The following LRP1B variants were observed in gnomAD, a reference collection of about 807,000 sequenced individuals.
The protein encoded by LRP1B is LDL receptor related protein 1B, also known as low-density lipoprotein receptor-related protein 1B.
In LRP1B, 217 loss-of-function variants were observed where a neutral mutation model predicts 556.6. The observed-to-expected ratio is 0.39, with a 90% CI of 0.35 to 0.44. The LOEUF (loss-of-function observed/expected upper bound fraction) is 0.44, where lower values mean the gene tolerates loss of function less well. Ranked by LOEUF, LRP1B falls within the 20% of genes least tolerant of loss-of-function variation. The probability of loss-of-function intolerance (pLI) is 1.00; values close to 1 mark genes in which losing one functional copy is unlikely to be tolerated. For missense variants in LRP1B, 5,053 were observed against 5,620.8 expected (o/e 0.90, Z 3.23); for synonymous variants, 2,047 against 1,865.8 (o/e 1.10, Z -2.50).
chr2:141,595,671 T>A (rs2105300870), intron 2 of LRP1B, among the ~76,000 whole-genome samples: 1 of 152,204 alleles, frequency 6.6e-6, no homozygotes. Context: ...TTCATCAATT[T>A]CTCCAAGCAT....
rs1452894617 is a variant in LRP1B, at chr2:140,350,905, T to G, written c.11784A>C (p.Val3928=). Residue 3928 remains valine, a synonymous_variant, in exon 77 of 91, where the codon GTA becomes GTC. Coordinates refer to ENST00000389484, the MANE Select transcript of LRP1B (RefSeq NM_018557.3). The stretch of plus-strand genomic sequence containing the variant: ...AAATAATCATATCTCTTTGATAATA[T>G]ACATCCATCCCTGTTATTCTTGAAT... ...EHNSRITGMD[V]YYQRDMIIWS... is the part of the protein sequence containing the mutation. 3.6e-5 allele frequency: 58 copies of G among 1,611,290 alleles called. No individual in the cohort carries two copies. Among genetic ancestry groups the G allele is most frequent in the Non-Finnish European group, 4.7e-5 (55 of 1,177,964 alleles).
chr2:140,979,140 G>A (rs546880558), intron 18 of LRP1B, among the ~76,000 whole-genome samples: 49 of 151,888 alleles, frequency 3.2e-4, no homozygotes, highest in African/African-American at 1.1e-3. Flanking sequence ...CCATCACACC[G>A]GCTTATTTTT....
chr2:140,628,910 T>C (rs565384357), intron 41 of LRP1B, among the ~76,000 whole-genome samples: 10 of 152,154 alleles, frequency 6.6e-5, no homozygotes, highest in Non-Finnish European at 1.2e-4. Context: ...TCCAGCCATA[T>C]AGGCCATGCC....
intron 2 of LRP1B, among the ~76,000 whole-genome samples, chr2:141,694,548 A>G (rs1246809493): frequency 7.1e-6 from 1 of 140,196 alleles, no homozygotes; most frequent in Non-Finnish European, 1.5e-5. Context: ...TCAGTATTTT[A>G]AAATCATTCA....
chr2:141,490,369 T>TTGTGTGTGTGTGTG (rs557540972), intron 2 of LRP1B, among the ~76,000 whole-genome samples: 5,781 of 108,552 alleles, frequency 0.053, 140 homozygotes, highest in South Asian at 0.08. Flanking sequence ...TAAAATAGCC[T>TTGTGTGTGTGTGTG]CGTGTGTGTG....
intron 2 of LRP1B, among the ~76,000 whole-genome samples, chr2:141,502,862 AAT>A (rs148858379): frequency 3.7e-5 from 5 of 134,062 alleles, no homozygotes; most frequent in Non-Finnish European, 7.8e-5. Flanking sequence ...CGTCTCAAAA[AAT>A]AAAAAATAAA....
chr2:141,425,823 C>A (rs1394115832), intron 3 of LRP1B, among the ~76,000 whole-genome samples: 1 of 151,520 alleles, frequency 6.6e-6, no homozygotes, highest in Non-Finnish European at 1.5e-5. Flanking sequence ...GATATTAGCC[C>A]TTTGTCAGAT....
intron 27 of LRP1B, among the ~76,000 whole-genome samples, chr2:140,857,222 A>G (rs1692646100): frequency 6.6e-6 from 1 of 152,194 alleles, no homozygotes; most frequent in South Asian, 2.1e-4. Flanking sequence ...TAATAAAATC[A>G]TGCTCAAAGC....
At chr2:141,639,304 GTA>G (rs577532316) in intron 2 of LRP1B, among the ~76,000 whole-genome samples, 759 of 58,260 alleles carry the variant, frequency 0.013, 8 homozygotes, top group African/African-American at 0.026. Flanking sequence ...CATCATGTGT[GTA>G]TATATATATA....
intron 7 of LRP1B, among the ~76,000 whole-genome samples, chr2:141,112,071 T>TAAATACATAATAAATAAATA (rs1553461490): frequency 1.6e-4 from 24 of 145,822 alleles, no homozygotes; most frequent in East Asian, 8.0e-4. Context: ...AATAAATAAA[T>TAAATACATAATAAATAAATA]AATAAATAAA....
intron 2 of LRP1B, among the ~76,000 whole-genome samples, chr2:141,551,952 C>T (rs186905506): frequency 6.6e-6 from 1 of 152,010 alleles, no homozygotes; most frequent in Non-Finnish European, 1.5e-5. Context: ...GCCTCTACCC[C>T]CTAAATAGCC....
chr2:140,659,123 T>A, intron 41 of LRP1B, among the ~76,000 whole-genome samples: 1 of 144,966 alleles, frequency 6.9e-6, no homozygotes, highest in Admixed American at 7.0e-5. Context: ...TTTTTTTTTT[T>A]TTTTAGTGAA....
chr2:140,573,852 C>T (rs190380339), intron 43 of LRP1B, among the ~76,000 whole-genome samples: 20 of 151,958 alleles, frequency 1.3e-4, no homozygotes, highest in African/African-American at 4.6e-4. Context: ...GATGTTGGCC[C>T]GGCAATTCTC....
rs184662178 is a variant in LRP1B at position 141,373,480 on chromosome 2, T to C, written c.343+106916A>G. On this transcript the variant is annotated intron_variant, in intron 3 of 90. Coordinates refer to ENST00000389484, the MANE Select transcript of LRP1B (RefSeq NM_018557.3). ...ATTATTGTATTGCTGTCTATCTCTTTTTTAAAGTCTAGTATTATTTGTTTT... is the reference window on the plus strand; with the variant it reads ...ATTATTGTATTGCTGTCTATCTCTTCTTTAAAGTCTAGTATTATTTGTTTT... Among the ~76,000 whole-genome samples the C allele has an allele frequency of 8.3e-4, 126 of 152,282 alleles. 2 individuals carry two copies. Among genetic ancestry groups the C allele is most frequent in the Admixed American group, 7.2e-3 (111 of 15,312 alleles).
chr2:141,582,349 C>T (rs1686980200), intron 2 of LRP1B, among the ~76,000 whole-genome samples: 1 of 152,152 alleles, frequency 6.6e-6, no homozygotes, highest in Admixed American at 6.5e-5. Context: ...ACAAGTTGTT[C>T]CTGCTGCTGT....
chr2:141,606,328 A>C (rs915944655), intron 2 of LRP1B, among the ~76,000 whole-genome samples: 2 of 152,228 alleles, frequency 1.3e-5, no homozygotes, highest in African/African-American at 2.4e-5. Flanking sequence ...ATATTTATTT[A>C]AGTTTTATAT....
chr2:140,982,383 T>C, intron 17 of LRP1B, 107 bp from the exon 18 acceptor site: 3 of 655,450 alleles, frequency 4.6e-6, no homozygotes, highest in South Asian at 2.0e-5. Flanking sequence ...AGTATGTTTC[T>C]CTATTAAAAT....
chr2:141,063,207 T>C (rs1317262828), intron 7 of LRP1B, among the ~76,000 whole-genome samples: 1 of 151,840 alleles, frequency 6.6e-6, no homozygotes, highest in Non-Finnish European at 1.5e-5. Context: ...GACTGAGCAA[T>C]ATTAAGATTA....
At chr2:141,668,644 T>C (rs899389964) in intron 2 of LRP1B, among the ~76,000 whole-genome samples, 1 of 152,106 alleles carries the variant, frequency 6.6e-6, no homozygotes, top group African/African-American at 2.4e-5. Context: ...CTGAGAGCCT[T>C]CTCCACCACT....
Sources: allele counts gnomAD v4.1 joint callset (sites outside exome capture counted in the v4.1 genomes callset), GRCh38; gene constraint gnomAD v4.1.1; transcripts MANE v1.5; gene names NCBI Gene and HGNC (gene_info 2026-07-23, HGNC 2026-07-21).